Variants in DNAH7 observed in about 807,000 individuals in gnomAD.
DNAH7 encodes the protein axonemal beta dynein heavy chain 7.
Under a neutral mutation model 444.6 loss-of-function variants are expected in DNAH7, and 397 were observed. The ratio of observed to expected loss-of-function variants is 0.89; its 90% CI spans 0.82 to 0.97. The LOEUF (loss-of-function observed/expected upper bound fraction) is 0.97, where lower values mean the gene tolerates loss of function less well. DNAH7 is among the 50% of genes least tolerant of loss of function. The pLI is 0.00. For synonymous variants in DNAH7, 1,636 were observed against 1,624.4 expected (o/e 1.01, Z -0.17); for missense variants, 4,902 against 4,800.8 (o/e 1.02, Z -0.62).
intron 29 of DNAH7, among the ~76,000 whole-genome samples, chr2:195,896,147 G>A (rs1702302476): frequency 6.6e-6 from 1 of 152,136 alleles, no homozygotes; most frequent in Non-Finnish European, 1.5e-5. Context: ...TTTCTAAAGT[G>A]GTTGTACTAA....
intron 13 of DNAH7, 32 bp from the exon 14 acceptor site, chr2:195,987,225 GA>G (rs774772532): frequency 8.8e-6 from 13 of 1,473,518 alleles, no homozygotes; most frequent in Non-Finnish European, 1.0e-5. Context: ...ATCAACATAA[GA>G]AGAAATAAAA....
At chr2:195,848,457 C>T (rs1308140026) in intron 46 of DNAH7, among the ~76,000 whole-genome samples, 1 of 152,206 alleles carries the variant, frequency 6.6e-6, no homozygotes, top group Non-Finnish European at 1.5e-5. Flanking sequence ...ACTGATGACA[C>T]TAATTTTTAT....
chr2:195,874,612 A>C (rs78056607), intron 38 of DNAH7, among the ~76,000 whole-genome samples: 2 of 151,874 alleles, frequency 1.3e-5, no homozygotes, highest in Admixed American at 6.5e-5. Context: ...AAAAAAAAAA[A>C]AACAGCCTGG....
At chr2:195,976,747 C>CAGAGAAAGAGAGAG (rs1692215681) in intron 15 of DNAH7, among the ~76,000 whole-genome samples, 1 of 90,542 alleles carries the variant, frequency 1.1e-5, no homozygotes, top group Admixed American at 1.2e-4. Context: ...GAGAGGCAGA[C>CAGAGAAAGAGAGAG]AGAGAGAGAG....
At chr2:195,850,739 A>G (rs1699313059) in intron 46 of DNAH7, among the ~76,000 whole-genome samples, 2 of 152,214 alleles carry the variant, frequency 1.3e-5, no homozygotes, top group African/African-American at 4.8e-5. Flanking sequence ...GGTTCCCTGA[A>G]GCAGACTGTG....
chr2:195,933,187 A>G (rs577494131), intron 21 of DNAH7, among the ~76,000 whole-genome samples: 23 of 152,338 alleles, frequency 1.5e-4, no homozygotes, highest in African/African-American at 5.5e-4. Flanking sequence ...AATGCAAATC[A>G]AAACCACAAT....
At chr2:195,924,316 G>C (rs1400156768) in intron 22 of DNAH7, among the ~76,000 whole-genome samples, 1 of 152,042 alleles carries the variant, frequency 6.6e-6, no homozygotes, top group Non-Finnish European at 1.5e-5. Flanking sequence ...GACAGCCCAG[G>C]GCTGGGCGTG....
At chr2:195,795,235 A>G (rs1324900597) in intron 56 of DNAH7, among the ~76,000 whole-genome samples, 1 of 152,162 alleles carries the variant, frequency 6.6e-6, no homozygotes, top group Non-Finnish European at 1.5e-5. Context: ...ACAAAAATTT[A>G]GCCGGCCATG....
intron 12 of DNAH7, chr2:195,998,933 T>C: frequency 2.0e-6 from 1 of 504,644 alleles, no homozygotes. Flanking sequence ...AGAGAAAGCA[T>C]GAGTTGAAAG....
At chr2:196,015,615 T>C (rs1694972741) in intron 9 of DNAH7, among the ~76,000 whole-genome samples, 1 of 152,220 alleles carries the variant, frequency 6.6e-6, no homozygotes, top group African/African-American at 2.4e-5. Flanking sequence ...TCTGTAAGTG[T>C]AAATACCAAT....
chr2:195,834,967 T>C lies in DNAH7; in HGVS notation c.8946-607A>G, dbSNP rs551907910. ...ACCCAATCTTTGTTTCAAACACTTC[T>C]GTATTTAGTGTCATATATGTAGTTC... is the stretch of plus-strand genomic sequence containing the variant. On this transcript the variant is annotated intron_variant, in intron 47 of 64. Coordinates refer to ENST00000312428, the MANE Select transcript of DNAH7 (RefSeq NM_018897.3). 4.6e-5 allele frequency among the ~76,000 whole-genome samples: 7 copies of C among 152,346 alleles called. No homozygotes were observed. The East Asian group carries it at 1.2e-3, about 25-fold the overall frequency.
At chr2:195,967,287 CT>C (rs1691546378) in intron 17 of DNAH7, among the ~76,000 whole-genome samples, 1 of 151,336 alleles carries the variant, frequency 6.6e-6, no homozygotes, top group South Asian at 2.1e-4. Flanking sequence ...TTTTTTGTTT[CT>C]CTTTATATCT....
chr2:195,931,646 G>GC (rs1409214107), intron 21 of DNAH7, among the ~76,000 whole-genome samples: 1 of 152,050 alleles, frequency 6.6e-6, no homozygotes, highest in African/African-American at 2.4e-5. Context: ...CATATGGCTA[G>GC]CCAGTTTTCC....
intron 28 of DNAH7, among the ~76,000 whole-genome samples, chr2:195,898,323 C>T (rs13418727): frequency 0.057 from 8,708 of 152,028 alleles, 410 homozygotes; most frequent in African/African-American, 0.14. Context: ...TTAAAGAGGC[C>T]AGTGCTCTTC....
At chr2:195,822,945 T>C (rs1697541334) in intron 49 of DNAH7, among the ~76,000 whole-genome samples, 1 of 152,228 alleles carries the variant, frequency 6.6e-6, no homozygotes, top group Non-Finnish European at 1.5e-5. Flanking sequence ...GGCTTTATTC[T>C]AAGCATCTTA....
chr2:195,968,272 C>T (rs1691615570), intron 17 of DNAH7, among the ~76,000 whole-genome samples: 3 of 152,146 alleles, frequency 2.0e-5, no homozygotes, highest in Admixed American at 1.3e-4. Context: ...TAGCATACCA[C>T]CTGGATATCA....
In DNAH7 at chr2:195,923,740, T is replaced by C. The variant is rs1688163851; in HGVS notation, c.3680A>G (p.Lys1227Arg). The C allele has an allele frequency of 5.0e-6, 8 of 1,614,006 alleles. No individual in the cohort carries two copies. The highest frequency in any genetic ancestry group is 6.8e-6 in the Non-Finnish European group (8 of 1,180,020). Residue 1227 changes from lysine to arginine, a missense_variant, in exon 23 of 65, where the codon AAA becomes AGA. By Grantham distance (26) the Lys-to-Arg change is conservative. Transcript: ENST00000312428. The stretch of plus-strand genomic sequence containing the variant: ...AGTTACGCGATTCTGCATGGACAAT[T>C]TGCCACGCACCAAAGTGACAATATC... ...IDDIVTLVRG[K>R]LSMQNRVTLG... is the part of the protein sequence containing the mutation.
chr2:196,042,892 G>C (rs1696857647), intron 5 of DNAH7, among the ~76,000 whole-genome samples: 1 of 152,086 alleles, frequency 6.6e-6, no homozygotes, highest in Admixed American at 6.6e-5. Context: ...AGACGTGCAT[G>C]CAAATGTTCA....
At chr2:196,021,487 C>T (rs1407696779) in intron 8 of DNAH7, among the ~76,000 whole-genome samples, 1 of 151,960 alleles carries the variant, frequency 6.6e-6, no homozygotes, top group South Asian at 2.1e-4. Context: ...TTATGCTATA[C>T]TGTAGTCTAT....
Sources: allele counts gnomAD v4.1 joint callset (sites outside exome capture counted in the v4.1 genomes callset), GRCh38; gene constraint gnomAD v4.1.1; transcripts MANE v1.5; gene names NCBI Gene and HGNC (gene_info 2026-07-23, HGNC 2026-07-21).